Variants in DCC observed in about 807,000 individuals in gnomAD.
DCC encodes the protein netrin receptor DCC.
In DCC, 58 loss-of-function variants were observed where a neutral mutation model predicts 172.5. That is an observed-to-expected ratio of 0.34 (90% CI 0.27 to 0.42). DCC has a LOEUF of 0.42. Ranked by LOEUF, DCC falls within the 10% of genes least tolerant of loss-of-function variation. The pLI, the probability that DCC is intolerant of heterozygous loss-of-function variation, is 1.00. For synonymous variants in DCC, 709 were observed against 644.5 expected (o/e 1.10, Z -1.52); for missense variants, 1,740 against 1,791.0 (o/e 0.97, Z 0.51).
chr18:52,700,564 A>G (rs923898625), intron 1 of DCC, among the ~76,000 whole-genome samples: 1 of 152,198 alleles, frequency 6.6e-6, no homozygotes, highest in Non-Finnish European at 1.5e-5. Flanking sequence ...TCTTTCTATC[A>G]TGAACAAAGA....
intron 2 of DCC, among the ~76,000 whole-genome samples, chr18:52,844,349 T>C (rs1357089423): frequency 1.3e-5 from 2 of 151,992 alleles, no homozygotes; most frequent in Non-Finnish European, 2.9e-5. Flanking sequence ...GATAGATAGA[T>C]ATAGATGTGA....
chr18:53,351,301 A>ATATATATATATATATACACACAGTG (rs1568074457), intron 15 of DCC, among the ~76,000 whole-genome samples: 1 of 29,546 alleles, frequency 3.4e-5, no homozygotes, highest in African/African-American at 6.3e-5. Flanking sequence ...GTATATATAT[A>ATATATATATATATATACACACAGTG]TATATATATA....
chr18:53,474,964 G>C (rs1179846094), intron 25 of DCC, among the ~76,000 whole-genome samples: 2 of 152,226 alleles, frequency 1.3e-5, no homozygotes, highest in Non-Finnish European at 2.9e-5. Flanking sequence ...GTCTGAGGTG[G>C]TCTCAGATGG....
intron 1 of DCC, among the ~76,000 whole-genome samples, chr18:52,750,680 G>T (rs2036980985): frequency 6.6e-6 from 1 of 152,130 alleles, no homozygotes; most frequent in African/African-American, 2.4e-5. Flanking sequence ...AAGCTGTTCT[G>T]CTTTCTCTTC....
At chr18:53,192,613 TAAA>T (rs779208350) in intron 9 of DCC, among the ~76,000 whole-genome samples, 1 of 151,872 alleles carries the variant, frequency 6.6e-6, no homozygotes, top group Non-Finnish European at 1.5e-5. Context: ...GAAGAAGAAA[TAAA>T]GAAGAAAATA....
At chr18:53,271,653 C>G (rs997462027) in intron 12 of DCC, among the ~76,000 whole-genome samples, 9 of 152,126 alleles carry the variant, frequency 5.9e-5, no homozygotes, top group Non-Finnish European at 8.8e-5. Context: ...GCCAGCAAGA[C>G]AGGGAAACTC....
intron 1 of DCC, among the ~76,000 whole-genome samples, chr18:52,537,886 C>A (rs2032333304): frequency 6.6e-6 from 1 of 152,192 alleles, no homozygotes; most frequent in Non-Finnish European, 1.5e-5. Context: ...TCAAGTACAG[C>A]TCTTTTCCAT....
intron 1 of DCC, among the ~76,000 whole-genome samples, chr18:52,451,776 G>A (rs1264454096): frequency 2.0e-5 from 3 of 151,960 alleles, no homozygotes; most frequent in Non-Finnish European, 4.4e-5. Flanking sequence ...CGTAGGGCTG[G>A]GTCCTGATTT....
At chr18:53,333,098 A>C (rs1465352190) in intron 14 of DCC, among the ~76,000 whole-genome samples, 1 of 152,058 alleles carries the variant, frequency 6.6e-6, no homozygotes, top group Non-Finnish European at 1.5e-5. Flanking sequence ...GAATATTGAC[A>C]AAATATTAGA....
intron 5 of DCC, among the ~76,000 whole-genome samples, chr18:53,059,446 T>A (rs2042462959): frequency 6.6e-6 from 1 of 152,112 alleles, no homozygotes; most frequent in African/African-American, 2.4e-5. Flanking sequence ...AGCAGTAATT[T>A]GGTCATGTAT....
rs571798729 is a variant in DCC at position 52,650,420 on chromosome 18, TAC to T, written c.92-101631_92-101630del. Among the ~76,000 whole-genome samples, 27 of 152,324 alleles carry T rather than the reference TAC, an allele frequency of 1.8e-4. No homozygotes were observed. In the East Asian group the frequency reaches 5.2e-3, roughly 29 times the overall value. ...CAATGTACATTATTTGGGTGATGGT[TAC>T]ACTAAAAGCCCAGACTTTCCATATA... On this transcript the variant is annotated intron_variant, in intron 1 of 28. Transcript: ENST00000442544.
At position 52,340,824 on chromosome 18, in the gene DCC, C is replaced by G. The variant is rs373864086; in HGVS notation, c.37C>G (p.Leu13Val). Residue 13 changes from leucine to valine, a missense_variant, in exon 1 of 29, where the codon CTG becomes GTG. Leu to Val is a conservative substitution (Grantham distance 32, BLOSUM62 1). Transcript: ENST00000442544. ...TCTTAGATGTGTTTGGGTACCCAAGCTGGCTTTTGTACTCTTCGGAGCTTC... is the reference window on the plus strand; with the variant it reads ...TCTTAGATGTGTTTGGGTACCCAAGGTGGCTTTTGTACTCTTCGGAGCTTC... ...NSLRCVWVPK[L>V]AFVLFGASLF... The G allele has an allele frequency of 5.5e-5, 89 of 1,614,018 alleles. No individual in the cohort carries two copies. Among genetic ancestry groups the G allele is most frequent in the Non-Finnish European group, 7.5e-5 (88 of 1,180,024 alleles).
intron 8 of DCC, among the ~76,000 whole-genome samples, chr18:53,164,622 A>G (rs1006009122): frequency 2.0e-5 from 3 of 152,168 alleles, no homozygotes; most frequent in African/African-American, 4.8e-5. Flanking sequence ...TGGAATAATA[A>G]TAGTATCTGA....
chr18:52,374,049 G>A (rs1297690922), intron 1 of DCC, among the ~76,000 whole-genome samples: 4 of 151,504 alleles, frequency 2.6e-5, no homozygotes, highest in Admixed American at 6.6e-5. Flanking sequence ...CCGCCACCAC[G>A]CCTGGATTTT....
chr18:53,004,873 A>G (rs2041621111), intron 5 of DCC, among the ~76,000 whole-genome samples: 1 of 152,162 alleles, frequency 6.6e-6, no homozygotes, highest in Admixed American at 6.5e-5. Context: ...TGTACTCTCC[A>G]AAGTTCATAT....
chr18:53,024,954 AT>A (rs1332439204), intron 5 of DCC, among the ~76,000 whole-genome samples: 2 of 152,148 alleles, frequency 1.3e-5, no homozygotes, highest in Non-Finnish European at 2.9e-5. Flanking sequence ...ATCATTGTAA[AT>A]TTTCCCCTAT....
intron 8 of DCC, among the ~76,000 whole-genome samples, chr18:53,175,097 G>A (rs1176651478): frequency 1.3e-5 from 2 of 152,156 alleles, no homozygotes; most frequent in East Asian, 1.9e-4. Flanking sequence ...CTCAATAGAT[G>A]CAGAAAAAGC....
At chr18:52,682,340 G>T (rs943299350) in intron 1 of DCC, among the ~76,000 whole-genome samples, 16 of 152,058 alleles carry the variant, frequency 1.1e-4, no homozygotes, top group African/African-American at 3.9e-4. Flanking sequence ...AAAATATCCT[G>T]CTGGGATAAA....
At chr18:52,461,499 AT>A (rs1234657895) in intron 1 of DCC, among the ~76,000 whole-genome samples, 1 of 152,196 alleles carries the variant, frequency 6.6e-6, no homozygotes, top group Admixed American at 6.5e-5. Flanking sequence ...TATACTCTAC[AT>A]AATTGTATGT....
Sources: allele counts gnomAD v4.1 joint callset (sites outside exome capture counted in the v4.1 genomes callset), GRCh38; gene constraint gnomAD v4.1.1; transcripts MANE v1.5; gene names NCBI Gene and HGNC (gene_info 2026-07-23, HGNC 2026-07-21).